QTMAN: variants seen among roughly 807,000 people sequenced by gnomAD.
QTMAN encodes tRNA-queuosine alpha-mannosyltransferase.
At chr2:144,313,983 G>T in the QTMAN span, among the ~76,000 whole-genome samples, 1 of 151,312 alleles carries the variant, frequency 6.6e-6, no homozygotes, top group Admixed American at 6.6e-5. Flanking sequence ...TACATATAAA[G>T]TTATATATAT....
At chr2:144,026,146 G>A in the QTMAN span, among the ~76,000 whole-genome samples, 14 of 152,096 alleles carry the variant, frequency 9.2e-5, no homozygotes, top group Non-Finnish European at 1.9e-4. Context: ...AGAAAAGAAC[G>A]GACTTGGTTG....
the QTMAN span, among the ~76,000 whole-genome samples, chr2:144,118,035 A>G: frequency 1.3e-5 from 2 of 152,058 alleles, no homozygotes; most frequent in South Asian, 4.2e-4. Context: ...TTTAGTAGAG[A>G]GGGGGTTTCA....
the QTMAN span, among the ~76,000 whole-genome samples, chr2:144,121,337 C>T: frequency 6.6e-6 from 1 of 152,144 alleles, no homozygotes; most frequent in African/African-American, 2.4e-5. Flanking sequence ...CTTCATTTAA[C>T]CCAAGACAAA....
At chr2:144,254,036 T>A in the QTMAN span, among the ~76,000 whole-genome samples, 1 of 152,220 alleles carries the variant, frequency 6.6e-6, no homozygotes, top group Non-Finnish European at 1.5e-5. Context: ...AAGGGGCCAA[T>A]GCACAGCTCA....
At chr2:144,329,412 A>C in the QTMAN span, among the ~76,000 whole-genome samples, 7 of 152,218 alleles carry the variant, frequency 4.6e-5, no homozygotes, top group Non-Finnish European at 1.0e-4. Flanking sequence ...ACAATTTGCC[A>C]AGGTAGTCCA....
At chr2:144,203,903 C>G in the QTMAN span, among the ~76,000 whole-genome samples, 1 of 151,990 alleles carries the variant, frequency 6.6e-6, no homozygotes, top group Non-Finnish European at 1.5e-5. Flanking sequence ...GGAAAGGATT[C>G]CCTATTTAAT....
chr2:144,277,393 T>C, the QTMAN span, among the ~76,000 whole-genome samples: 2 of 152,134 alleles, frequency 1.3e-5, no homozygotes, highest in Non-Finnish European at 2.9e-5. Flanking sequence ...ATTATTTACA[T>C]TTACAAAATT....
chr2:143,981,523 C>T, the QTMAN span, among the ~76,000 whole-genome samples: 5 of 152,142 alleles, frequency 3.3e-5, no homozygotes, highest in East Asian at 1.9e-4. Context: ...AAACCCATTC[C>T]GAAACTTGTT....
the QTMAN span, among the ~76,000 whole-genome samples, chr2:144,267,701 T>C: frequency 6.6e-6 from 1 of 152,224 alleles, no homozygotes; most frequent in African/African-American, 2.4e-5. Context: ...ACTTAGGTTT[T>C]TAAAAATCTC....
At chr2:144,331,494 G>A in the QTMAN span, among the ~76,000 whole-genome samples, 1 of 151,252 alleles carries the variant, frequency 6.6e-6, no homozygotes, top group Non-Finnish European at 1.5e-5. Flanking sequence ...ATCAACTCAC[G>A]TTTTCCATTT....
chr2:144,178,485 G>GT, the QTMAN span: 2 of 152,478 alleles, frequency 1.3e-5, no homozygotes, highest in Non-Finnish European at 2.9e-5. Flanking sequence ...ACTGTATCAT[G>GT]TTGGTCCATG....
chr2:143,951,910 G>GT, the QTMAN span: 1,053 of 753,942 alleles, frequency 1.4e-3, no homozygotes, highest in Middle Eastern at 2.2e-3. Context: ...TTAATTAAAT[G>GT]TTTTTTTTTA....
the QTMAN span, among the ~76,000 whole-genome samples, chr2:144,314,355 A>C: frequency 3.9e-5 from 6 of 152,296 alleles, no homozygotes; most frequent in Admixed American, 3.3e-4. Flanking sequence ...TAATCTATGG[A>C]AATAGAAATC....
the QTMAN span, among the ~76,000 whole-genome samples, chr2:144,273,852 A>G: frequency 7.9e-5 from 12 of 152,134 alleles, no homozygotes; most frequent in Non-Finnish European, 1.6e-4. Flanking sequence ...TAAGAAATAT[A>G]TGGCCGGGCG....
At chr2:144,257,701 T>C in the QTMAN span, among the ~76,000 whole-genome samples, 1 of 152,222 alleles carries the variant, frequency 6.6e-6, no homozygotes, top group Non-Finnish European at 1.5e-5. Flanking sequence ...ACTCAATACA[T>C]GCATCTAACA....
the QTMAN span, among the ~76,000 whole-genome samples, chr2:144,042,705 A>G: frequency 6.7e-6 from 1 of 150,170 alleles, no homozygotes; most frequent in African/African-American, 2.4e-5. Flanking sequence ...CGGAGCTTGC[A>G]GTGAGCCGAG....
At chr2:144,131,683 C>G in the QTMAN span, among the ~76,000 whole-genome samples, 1 of 151,918 alleles carries the variant, frequency 6.6e-6, no homozygotes, top group Non-Finnish European at 1.5e-5. Context: ...TACCTATATT[C>G]TGTCTTCATA....
chr2:144,028,714 T>C, the QTMAN span, among the ~76,000 whole-genome samples: 1 of 152,254 alleles, frequency 6.6e-6, no homozygotes, highest in South Asian at 2.1e-4. Context: ...ACAATGTGGA[T>C]ATACTCTTTG....
chr2:144,324,537 C>CA, the QTMAN span, among the ~76,000 whole-genome samples: 1 of 152,184 alleles, frequency 6.6e-6, no homozygotes, highest in African/African-American at 2.4e-5. Flanking sequence ...GGCCCAGAGT[C>CA]AAAATCAATC....
Sources: gnomAD v4.1 joint callset for allele counts (sites outside exome capture counted in the v4.1 genomes callset) on GRCh38, gnomAD v4.1.1 for gene constraint, MANE v1.5 for transcripts, NCBI Gene and HGNC (gene_info 2026-07-23, HGNC 2026-07-21) for gene names.